The following EEF1D variants were observed in gnomAD, a reference collection of about 807,000 sequenced individuals.
The protein encoded by EEF1D is elongation factor 1-delta.
In EEF1D, 47 loss-of-function variants were observed where a neutral mutation model predicts 63.9. That is an observed-to-expected ratio of 0.74 (90% CI 0.58 to 0.94). EEF1D has a LOEUF of 0.94. Among genes scored for constraint, EEF1D ranks in the 40% least tolerant of loss-of-function variants. The pLI, the probability that EEF1D is intolerant of heterozygous loss-of-function variation, is 0.00. For missense variants in EEF1D, 907 were observed against 899.0 expected (o/e 1.01, Z -0.11); for synonymous variants, 412 against 386.1 (o/e 1.07, Z -0.79).
intron 1 of EEF1D, chr8:143,596,565 G>A (rs1180230302): frequency 6.6e-6 from 1 of 152,318 alleles, no homozygotes; most frequent in Non-Finnish European, 1.5e-5. Flanking sequence ...CTGCCTCCCT[G>A]GGAGGTGAGC....
chr8:143,579,881 C>G, intron 9 of EEF1D, 51 bp from the exon 10 acceptor site: 4 of 1,537,750 alleles, frequency 2.6e-6, no homozygotes, highest in Non-Finnish European at 2.6e-6. Flanking sequence ...ACAGCCCACT[C>G]GGAGCCAGGA....
At chr8:143,588,611 A>G (rs1195931049) in intron 3 of EEF1D, among the ~76,000 whole-genome samples, 1 of 152,172 alleles carries the variant, frequency 6.6e-6, no homozygotes, top group Non-Finnish European at 1.5e-5. Flanking sequence ...TAGGGCCAGA[A>G]ACCAGCTTCA....
rs1281076187 is a variant in EEF1D, at chr8:143,597,372, A to T, written c.-39T>A. ...CACGCCAGCCAAGGACGCGGCGACC[A>T]AGGAGGAGGAATCGGCGGACGCGGG... On this transcript the variant is annotated 5_prime_UTR_variant, in exon 1 of 10. Coordinates refer to ENST00000618139, the MANE Select transcript of EEF1D (RefSeq NM_001130053.5). 2.0e-5 allele frequency: 3 copies of T among 151,778 alleles called. No individual in the cohort carries two copies. Among genetic ancestry groups the T allele is most frequent in the African/African-American group, 7.3e-5 (3 of 41,342 alleles). 9.4% of individuals were successfully genotyped at this position (151,778 alleles called of 1,614,324 possible).
At position 143,589,545 on chromosome 8, in the gene EEF1D, C is replaced by T; in HGVS notation, c.537G>A (p.Glu179=). 6.6e-7 allele frequency: 1 copy of T among 1,514,396 alleles called. No individual in the cohort carries two copies. The highest frequency in any genetic ancestry group is 1.4e-5 in the African/African-American group (1 of 71,782). The allele number at this position is 1,514,396 out of a possible 1,614,324, so 93.8% of individuals were successfully genotyped here. ...SFDQAERAFV[E]WSQALLLAPD... is the part of the protein sequence containing the mutation. Reference sequence around the variant, plus strand: ...GGGCCAGCAACAGGGCCTGAGACCACTCCACGAAGGCCCGCTCAGCCTGGT... The same window carrying T: ...GGGCCAGCAACAGGGCCTGAGACCATTCCACGAAGGCCCGCTCAGCCTGGT... The change falls in exon 3 of 10, where the codon GAG becomes GAA. Residue 179 remains glutamate, a synonymous_variant. Coordinates refer to ENST00000618139, the MANE Select transcript of EEF1D (RefSeq NM_001130053.5).
chr8:143,595,823 A>G (rs1828708336), intron 1 of EEF1D, among the ~76,000 whole-genome samples: 1 of 152,176 alleles, frequency 6.6e-6, no homozygotes, highest in South Asian at 2.1e-4. Flanking sequence ...ACCCCAGACA[A>G]TACCCACGCC....
rs781535559 is a variant in EEF1D, at chr8:143,589,986, G to A, written c.96C>T (p.Ala32=). 5.6e-6 allele frequency: 9 copies of A among 1,599,464 alleles called. No individual in the cohort carries two copies. The South Asian group carries it at 9.9e-5, about 18-fold the overall frequency. The part of the protein sequence containing the change: ...EAERRFYEHE[A]TQAAASAQQL... ...GCTGGGCGGAGGCGGCCGCCTGTGT[G>A]GCCTCGTGTTCGTAGAAGCGCCGCT... The change falls in exon 3 of 10, where the codon GCC becomes GCT. Residue 32 remains alanine (A), a synonymous_variant. Transcript: ENST00000618139.
chr8:143,581,314 C>A lies in EEF1D; in HGVS notation c.1302G>T (p.Gly434=). ...GGTCTCCGCTGGTGCCGCTGGAGGCCCCGGGGCCTGAGCTCTGCAAGGCAG... is the reference window on the plus strand; with the variant it reads ...GGTCTCCGCTGGTGCCGCTGGAGGCACCGGGGCCTGAGCTCTGCAAGGCAG... ...QKSLAGSSGP[G]ASSGTSGDHG... is the part of the protein sequence containing the mutation. The change falls in exon 6 of 10, where the codon GGG becomes GGT. Residue 434 remains glycine, a synonymous_variant. Coordinates refer to ENST00000618139, the MANE Select transcript of EEF1D (RefSeq NM_001130053.5). The A allele has an allele frequency of 6.2e-7, 1 of 1,611,464 alleles. No individual in the cohort carries two copies. The highest frequency in any genetic ancestry group is 8.5e-7 in the Non-Finnish European group (1 of 1,179,898).
At chr8:143,580,390 C>T in intron 8 of EEF1D, 116 bp downstream of exon 8, 1 of 1,357,618 alleles carries the variant, frequency 7.4e-7, no homozygotes, top group Middle Eastern at 2.6e-4. Flanking sequence ...GACTTCTAAA[C>T]TCGGCTTTAA....
intron 2 of EEF1D, among the ~76,000 whole-genome samples, chr8:143,591,201 G>A (rs893130446): frequency 2.0e-5 from 3 of 152,232 alleles, no homozygotes; most frequent in Non-Finnish European, 4.4e-5. Flanking sequence ...TTGCTTCTGT[G>A]TAATGTTAAG....
In EEF1D at chr8:143,589,070, C is replaced by A. The variant is rs1827302338; in HGVS notation, c.1012G>T (p.Ala338Ser). The change falls in exon 3 of 10, where the codon GCC becomes TCC. Residue 338 changes from alanine to serine, a missense_variant. Physicochemically the swap from Ala to Ser is moderately conservative, Grantham distance 99. Coordinates refer to ENST00000618139, the MANE Select transcript of EEF1D (RefSeq NM_001130053.5). ...AGGGAGGCAGCTTCGAGGCACCAGG[C>A]CACCCGCAGGGCCTCGGCAGCGTGG... is the stretch of plus-strand genomic sequence containing the variant. ...RHHAAEALRV[A>S]WCLEAASLSH... 6.2e-7 allele frequency: 1 copy of A among 1,608,718 alleles called. No individual in the cohort carries two copies. Among genetic ancestry groups the A allele is most frequent in the Non-Finnish European group, 8.5e-7 (1 of 1,179,438 alleles).
rs756331837 is a variant in EEF1D, at chr8:143,581,375, G to A, written c.1288-47C>T. On this transcript the variant is annotated intron_variant, in intron 5 of 9. Transcript: ENST00000618139. ...GGGCTCAGTGCCCAGCCTGCTCCTA[G>A]GGTCCCCCTGCCATGCTCAGGACTG... is the stretch of plus-strand genomic sequence containing the variant. 1.9e-6 allele frequency: 3 copies of A among 1,547,738 alleles called. No homozygotes were observed. In the Admixed American group the frequency reaches 5.4e-5, roughly 28 times the overall value.
rs755911229 is a variant in EEF1D, at chr8:143,589,845, G to T, written c.237C>A (p.Asp79Glu). The change falls in exon 3 of 10, where the codon GAC (aspartate) becomes GAA (glutamate). Residue 79 changes from aspartate (D) to glutamate (E), a missense_variant. Transcript: ENST00000618139. ...GSRRDPRKSQDSRKPLQKKRK... is the reference protein window; with the variant it reads ...GSRRDPRKSQESRKPLQKKRK... ...TCTTTTTCTGCAGGGGCTTCCTGCT[G>T]TCCTGGCTCTTCCTGGGATCACGCC... The T allele has an allele frequency of 6.2e-7, 1 of 1,604,514 alleles. No homozygotes were observed. Among genetic ancestry groups the T allele is most frequent in the Non-Finnish European group, 8.5e-7 (1 of 1,177,486 alleles).
chr8:143,594,442 G>T, intron 1 of EEF1D: 1 of 152,620 alleles, frequency 6.6e-6, no homozygotes, highest in Non-Finnish European at 1.5e-5. Context: ...CAGGAGGGCA[G>T]GGCCCTGAGG....
rs370644889 is a variant in EEF1D at position 143,589,287 on chromosome 8, G to A, written c.795C>T (p.Ala265=). The A allele has an allele frequency of 5.4e-5, 85 of 1,586,608 alleles. No individual in the cohort carries two copies. The highest frequency in any genetic ancestry group is 1.2e-4 in the African/African-American group (9 of 74,528). ...CCCGCCGGGCACCCTCGGCCAGGCCGGCTCGCTCTTGCAGGCGCACCTTCC... is the reference window on the plus strand; with the variant it reads ...CCCGCCGGGCACCCTCGGCCAGGCCAGCTCGCTCTTGCAGGCGCACCTTCC... ...PPGKVRLQER[A]GLAEGARRGR... is the part of the protein sequence containing the mutation. Residue 265 remains alanine, a synonymous_variant, in exon 3 of 10, where the codon GCC becomes GCT. Coordinates refer to ENST00000618139, the MANE Select transcript of EEF1D (RefSeq NM_001130053.5).
At chr8:143,595,724 G>T (rs1235022469) in intron 1 of EEF1D, among the ~76,000 whole-genome samples, 1 of 147,532 alleles carries the variant, frequency 6.8e-6, no homozygotes, top group Non-Finnish European at 1.5e-5. Context: ...TCCATGGCCA[G>T]CCCTGCTTGA....
At position 143,580,093 on chromosome 8, in the gene EEF1D, C is replaced by T. The variant is rs202103780; in HGVS notation, c.1824G>A (p.Lys608=). ...CCTCCACCACACACTGAATCTGTAG[C>T]TTCCGGATACCGTAGCCCACGGGCA... The part of the protein sequence containing the change: ...KLVPVGYGIR[K]LQIQCVVEDD... The change falls in exon 9 of 10, where the codon AAG becomes AAA. Residue 608 remains lysine (K), a synonymous_variant. Coordinates refer to ENST00000618139, the MANE Select transcript of EEF1D (RefSeq NM_001130053.5). 6 of 1,614,004 alleles carry T rather than the reference C, an allele frequency of 3.7e-6. No homozygotes were observed. The highest frequency in any genetic ancestry group is 1.3e-5 in the African/African-American group (1 of 75,032).
intron 2 of EEF1D, chr8:143,590,616 G>A: frequency 2.0e-6 from 2 of 1,023,326 alleles, no homozygotes; most frequent in Non-Finnish European, 2.3e-6. Flanking sequence ...ACAAAAGAAG[G>A]AGCCTCGGCC....
In EEF1D at chr8:143,580,638, A is replaced by C. The variant is rs1825287220; in HGVS notation, c.1578T>G (p.Phe526Leu). ...EDDEDDDIDL[F>L]GSDNEEEDKE... ...TGTCCTCCTCCTCATTGTCACTGCC[A>C]AACAGGTCAATGTCATCATCCTCGT... The change falls in exon 8 of 10, where the codon TTT becomes TTG. Residue 526 changes from phenylalanine (F) to leucine (L), a missense_variant. Coordinates refer to ENST00000618139, the MANE Select transcript of EEF1D (RefSeq NM_001130053.5). 3.1e-6 allele frequency: 5 copies of C among 1,613,886 alleles called. No homozygotes were observed. The highest frequency in any genetic ancestry group is 3.4e-6 in the Non-Finnish European group (4 of 1,179,936).
intron 2 of EEF1D, 133 bp from the exon 3 acceptor site, chr8:143,590,214 C>T (rs566239123): frequency 6.3e-4 from 798 of 1,262,846 alleles, no homozygotes; most frequent in South Asian, 1.1e-3. Flanking sequence ...TGAGGATGCT[C>T]CCCAGTGGGG....
Sources: gnomAD v4.1 joint callset for allele counts (sites outside exome capture counted in the v4.1 genomes callset) on GRCh38, gnomAD v4.1.1 for gene constraint, MANE v1.5 for transcripts, NCBI Gene and HGNC (gene_info 2026-07-23, HGNC 2026-07-21) for gene names.